The following VWA3A variants were observed in gnomAD, a reference collection of about 807,000 sequenced individuals.
VWA3A encodes von Willebrand factor A domain-containing protein 3A.
VWA3A carries 134 observed loss-of-function variants against 160.4 expected under a neutral mutation model. The ratio of observed to expected loss-of-function variants is 0.84; its 90% CI spans 0.73 to 0.96. The LOEUF is 0.96. Among genes scored for constraint, VWA3A ranks in the 40% least tolerant of loss-of-function variants. The pLI is 0.00. For missense variants in VWA3A, 1,310 were observed against 1,447.9 expected (o/e 0.90, Z 1.55); for synonymous variants, 476 against 543.4 (o/e 0.88, Z 1.72).
chr16:22,113,375 T>C (rs1331746735), intron 8 of VWA3A, among the ~76,000 whole-genome samples: 1 of 105,218 alleles, frequency 9.5e-6, no homozygotes, highest in African/African-American at 5.7e-5. Flanking sequence ...TTTTTTTTTT[T>C]TTTTTTTTTT....
At chr16:22,152,831 G>A (rs930925389) in intron 31 of VWA3A, among the ~76,000 whole-genome samples, 197 bp downstream of exon 31, 12 of 152,232 alleles carry the variant, frequency 7.9e-5, no homozygotes, top group East Asian at 3.9e-4. Context: ...TCTGCTTTTC[G>A]TTGAGACAAA....
intron 22 of VWA3A, among the ~76,000 whole-genome samples, chr16:22,139,714 C>A (rs1037563607): frequency 3.3e-5 from 5 of 150,218 alleles, no homozygotes; most frequent in South Asian, 2.1e-4. Context: ...AACAAACAAA[C>A]AAAAAAAAAC....
At chr16:22,154,267 G>A (rs564568603) in intron 31 of VWA3A, among the ~76,000 whole-genome samples, 3 of 151,490 alleles carry the variant, frequency 2.0e-5, no homozygotes, top group East Asian at 1.9e-4. Flanking sequence ...ATGCAGAATG[G>A]GATTGCTGTG....
chr16:22,154,334 T>C (rs1290994851), intron 31 of VWA3A, among the ~76,000 whole-genome samples: 2 of 137,990 alleles, frequency 1.4e-5, no homozygotes, highest in African/African-American at 2.8e-5. Context: ...TTTTTTTTTT[T>C]TTTTTTTTTT....
chr16:22,133,192 GC>G (rs2045980393), intron 20 of VWA3A, 97 bp downstream of exon 20: 1 of 1,351,920 alleles, frequency 7.4e-7, no homozygotes, highest in Admixed American at 2.4e-5. Flanking sequence ...CAGAAAAGCA[GC>G]TTGTGAAAAT....
At chr16:22,132,394 A>C (rs1011521259) in intron 19 of VWA3A, among the ~76,000 whole-genome samples, 1 of 151,920 alleles carries the variant, frequency 6.6e-6, no homozygotes, top group African/African-American at 2.4e-5. Context: ...AAAAAAAAAA[A>C]AAAATTAACC....
Position 22,116,819 on chromosome 16 carries a change from C to A in VWA3A, c.876C>A (p.Asp292Glu). The A allele has an allele frequency of 6.2e-7, 1 of 1,613,564 alleles. No individual in the cohort carries two copies. The highest frequency in any genetic ancestry group is 8.5e-7 in the Non-Finnish European group (1 of 1,179,878). ...TCCAGCAGTCCACCATGGGAAGAGA[C>A]CTCATCATCCACTTCATCACCTACA... ...DYIQQSTMGR[D>E]LIIHFITYRC... The change falls in exon 10 of 34, where the codon GAC becomes GAA. Residue 292 changes from aspartate to glutamate, a missense_variant. By Grantham distance (45) the Asp-to-Glu change is conservative (BLOSUM62 2). Coordinates refer to ENST00000389398, the MANE Select transcript of VWA3A (RefSeq NM_173615.5).
intron 17 of VWA3A, among the ~76,000 whole-genome samples, chr16:22,129,697 G>A (rs2045915365): frequency 1.3e-5 from 2 of 152,086 alleles, no homozygotes; most frequent in South Asian, 4.1e-4. Context: ...GTAGTGCAGG[G>A]ATCGCACCTG....
chr16:22,143,886 A>G (rs2046199431), intron 25 of VWA3A, among the ~76,000 whole-genome samples: 1 of 151,688 alleles, frequency 6.6e-6, no homozygotes, highest in Non-Finnish European at 1.5e-5. Context: ...GATTACAGGC[A>G]TGCACCACCA....
chr16:22,103,430 G>C, intron 5 of VWA3A, 45 bp from the exon 6 acceptor site: 1 of 1,535,300 alleles, frequency 6.5e-7, no homozygotes, highest in Non-Finnish European at 8.8e-7. Context: ...GTTGCTCAGT[G>C]ATGACGCTGG....
At chr16:22,100,063 G>A (rs1472788647) in intron 3 of VWA3A, 131 bp from the exon 4 acceptor site, 28 of 1,165,496 alleles carry the variant, frequency 2.4e-5, no homozygotes, top group East Asian at 2.3e-4. Context: ...TGACAAGAGC[G>A]AAACTCCGTC....
chr16:22,138,622 C>T lies in VWA3A; in HGVS notation c.2292+110C>T, dbSNP rs975190632. On this transcript the variant is annotated intron_variant, in intron 22 of 33. Coordinates refer to ENST00000389398, the MANE Select transcript of VWA3A (RefSeq NM_173615.5). The stretch of plus-strand genomic sequence containing the variant: ...CCAGCAGGGATGGGGGTGGGTGCTT[C>T]AGTGGTGAGTGTCCTGTGGGTGCCT... The T allele has an allele frequency of 8.4e-6, 12 of 1,426,134 alleles. No individual in the cohort carries two copies. The Admixed American group carries it at 2.6e-4, about 31-fold the overall frequency. 88.3% of individuals were successfully genotyped at this position (1,426,134 alleles called of 1,614,324 possible).
chr16:22,149,661 C>T, intron 28 of VWA3A, 126 bp from the exon 29 acceptor site: 7 of 1,256,350 alleles, frequency 5.6e-6, no homozygotes, highest in South Asian at 1.9e-5. Flanking sequence ...TTGTAGGGGT[C>T]TTCAGTGACG....
intron 8 of VWA3A, among the ~76,000 whole-genome samples, chr16:22,113,216 G>A (rs543342017): frequency 6.6e-6 from 1 of 151,598 alleles, no homozygotes; most frequent in Admixed American, 6.6e-5. Flanking sequence ...TTTTGAGATG[G>A]AGTCTTACTC....
intron 16 of VWA3A, among the ~76,000 whole-genome samples, chr16:22,125,203 C>A (rs11645765): frequency 0.068 from 10,154 of 149,576 alleles, 675 homozygotes; most frequent in African/African-American, 0.18. Flanking sequence ...CATGGGCAGA[C>A]CTGGTCTCTA....
chr16:22,153,725 A>G (rs888606112), intron 31 of VWA3A, among the ~76,000 whole-genome samples: 5 of 147,794 alleles, frequency 3.4e-5, no homozygotes, highest in Admixed American at 7.1e-5. Context: ...TTACTTTCAC[A>G]GGACATGGCA....
intron 3 of VWA3A, among the ~76,000 whole-genome samples, chr16:22,098,644 A>G (rs2045360698): frequency 6.6e-6 from 1 of 152,200 alleles, no homozygotes; most frequent in African/African-American, 2.4e-5. Context: ...GTAGAGTTAC[A>G]TAATTAGCAT....
chr16:22,147,874 A>G (rs2046281921), intron 27 of VWA3A, among the ~76,000 whole-genome samples: 1 of 152,198 alleles, frequency 6.6e-6, no homozygotes, highest in Admixed American at 6.5e-5. Context: ...GGATAAGGAA[A>G]TTCAAGCCCA....
At chr16:22,093,363 T>C (rs1337278602) in intron 1 of VWA3A, among the ~76,000 whole-genome samples, 1 of 152,142 alleles carries the variant, frequency 6.6e-6, no homozygotes, top group East Asian at 1.9e-4. Flanking sequence ...TAGTGAAACA[T>C]GCTGTGGGGA....
Sources: allele counts gnomAD v4.1 joint callset (sites outside exome capture counted in the v4.1 genomes callset), GRCh38; gene constraint gnomAD v4.1.1; transcripts MANE v1.5; gene names NCBI Gene and HGNC (gene_info 2026-07-23, HGNC 2026-07-21).